The following STOX2 variants were observed in gnomAD, a reference collection of about 807,000 sequenced individuals.
The protein encoded by STOX2 is storkhead box 2.
STOX2 carries 28 observed loss-of-function variants against 60.9 expected under a neutral mutation model. The ratio of observed to expected loss-of-function variants is 0.46; its 90% confidence interval spans 0.34 to 0.63. The LOEUF is 0.63. STOX2 is among the 30% of genes least tolerant of loss of function. STOX2 has a pLI of 0.01. For missense variants in STOX2, 1,024 were observed against 1,187.7 expected (o/e 0.86, Z 2.03); for synonymous variants, 472 against 463.9 (o/e 1.02, Z -0.22).
upstream of STOX2, among the ~76,000 whole-genome samples, chr4:183,905,109 T>TA (rs1314527815): frequency 1.3e-5 from 2 of 152,162 alleles, no homozygotes; most frequent in African/African-American, 4.8e-5. Flanking sequence ...ATCGAGGAGA[T>TA]AACCGTTTTT....
chr4:183,894,035 C>A (rs3932843), intron 1 of STOX2, among the ~76,000 whole-genome samples: 1 of 152,106 alleles, frequency 6.6e-6, no homozygotes, highest in Non-Finnish European at 1.5e-5. Flanking sequence ...ACCTGTATTC[C>A]CAGCTACTTA....
intron 1 of STOX2, among the ~76,000 whole-genome samples, chr4:183,907,815 C>T (rs1390597132): frequency 6.6e-6 from 1 of 152,232 alleles, no homozygotes; most frequent in Non-Finnish European, 1.5e-5. Context: ...CCGTTGCCTT[C>T]TCCTTACTTC....
rs2111199378 is a variant in STOX2 at position 183,989,047 on chromosome 4, A to G, written c.167-12278A>G. Reference sequence around the variant, plus strand: ...GCTGCTCACGGGGACCGAGAAGTCCACAGCAGCAGGATTTGCCAATAGGAA... The same window carrying G: ...GCTGCTCACGGGGACCGAGAAGTCCGCAGCAGCAGGATTTGCCAATAGGAA... On this transcript the variant is annotated intron_variant, in intron 1 of 3. Transcript: ENST00000308497. Among the ~76,000 whole-genome samples, 5 of 152,322 alleles carry G rather than the reference A, an allele frequency of 3.3e-5. 1 individual carries two copies. The Middle Eastern group carries it at 0.014, about 414-fold the overall frequency.
At chr4:183,997,136 C>T (rs1380545663) in intron 1 of STOX2, among the ~76,000 whole-genome samples, 3 of 152,134 alleles carry the variant, frequency 2.0e-5, no homozygotes, top group African/African-American at 7.2e-5. Flanking sequence ...TGCACACATG[C>T]AGGGAGAGAA....
chr4:183,945,278 G>A (rs77191282), intron 1 of STOX2, among the ~76,000 whole-genome samples: 11,742 of 152,128 alleles, frequency 0.077, 1,563 homozygotes, highest in African/African-American at 0.27. Flanking sequence ...TGCAGAATTC[G>A]GGGGTTGGAA....
chr4:183,961,265 A>G (rs1365235667), intron 1 of STOX2, among the ~76,000 whole-genome samples: 4 of 152,190 alleles, frequency 2.6e-5, no homozygotes, highest in African/African-American at 7.2e-5. Context: ...TTGCCACCCC[A>G]ATGTATTTAC....
chr4:183,804,444 G>A (rs1024622833), intron 1 of STOX2, among the ~76,000 whole-genome samples: 6 of 152,206 alleles, frequency 3.9e-5, no homozygotes, highest in African/African-American at 1.4e-4. Flanking sequence ...GGCTGGGCTT[G>A]TTGAGCCAGG....
chr4:183,870,561 A>C (rs1477441478), intron 1 of STOX2, among the ~76,000 whole-genome samples: 2 of 152,236 alleles, frequency 1.3e-5, no homozygotes, highest in Non-Finnish European at 2.9e-5. Context: ...ATGGTGGTTT[A>C]TAAATTTTAA....
intron 1 of STOX2, among the ~76,000 whole-genome samples, chr4:183,999,724 G>A (rs945211580): frequency 1.3e-5 from 2 of 152,094 alleles, no homozygotes; most frequent in Non-Finnish European, 2.9e-5. Flanking sequence ...TGATTTCATC[G>A]AGCAAACCAT....
intron 1 of STOX2, among the ~76,000 whole-genome samples, chr4:183,862,221 G>C (rs576085744): frequency 1.3e-5 from 2 of 152,288 alleles, no homozygotes; most frequent in Non-Finnish European, 2.9e-5. Context: ...TGTCACCCAG[G>C]CTGGAGTGCA....
At chr4:183,979,564 T>A (rs533883283) in intron 1 of STOX2, among the ~76,000 whole-genome samples, 1 of 152,232 alleles carries the variant, frequency 6.6e-6, no homozygotes, top group Non-Finnish European at 1.5e-5. Context: ...ACTAGCTACA[T>A]GTAGCTATTG....
intron 1 of STOX2, among the ~76,000 whole-genome samples, chr4:183,860,438 A>G (rs2111152974): frequency 1.0e-5 from 1 of 95,288 alleles, no homozygotes; most frequent in East Asian, 3.6e-4. Flanking sequence ...CAAAAAACAA[A>G]AAACAAAAAA....
chr4:183,934,298 C>T (rs889576495), intron 1 of STOX2, among the ~76,000 whole-genome samples: 2 of 151,616 alleles, frequency 1.3e-5, no homozygotes, highest in Non-Finnish European at 2.9e-5. Flanking sequence ...GTGAGACTCC[C>T]TCTCAAAAAA....
chr4:183,940,192 C>G (rs940709433), intron 1 of STOX2, among the ~76,000 whole-genome samples: 4 of 152,172 alleles, frequency 2.6e-5, no homozygotes, highest in Non-Finnish European at 5.9e-5. Context: ...CGTGAGCCAC[C>G]GAGCCCGGCC....
At chr4:183,867,036 C>T (rs72994709) in intron 1 of STOX2, among the ~76,000 whole-genome samples, 3,221 of 151,676 alleles carry the variant, frequency 0.021, 112 homozygotes, top group African/African-American at 0.075. Flanking sequence ...TTTTTTCCCC[C>T]TATGAGTGGG....
chr4:183,936,021 A>G (rs1307305112), intron 1 of STOX2, among the ~76,000 whole-genome samples: 1 of 152,216 alleles, frequency 6.6e-6, no homozygotes, highest in East Asian at 1.9e-4. Context: ...TTCGTGGGAG[A>G]AAAAGCGTTA....
At chr4:183,798,337 G>A (rs936472671) in intron 1 of STOX2, among the ~76,000 whole-genome samples, 1 of 150,852 alleles carries the variant, frequency 6.6e-6, no homozygotes, top group Non-Finnish European at 1.5e-5. Context: ...GGCCGGCCAG[G>A]TGGGCGCCGC....
At chr4:183,896,633 C>T (rs1310460660) in intron 1 of STOX2, among the ~76,000 whole-genome samples, 1 of 152,194 alleles carries the variant, frequency 6.6e-6, no homozygotes, top group African/African-American at 2.4e-5. Context: ...TGAGCCATCA[C>T]CCAGTCCCGT....
At chr4:183,901,827 G>A (rs1270390048), upstream of STOX2, among the ~76,000 whole-genome samples, 1 of 151,886 alleles carries the variant, frequency 6.6e-6, no homozygotes, top group Non-Finnish European at 1.5e-5. Context: ...TGCATACTCT[G>A]GATATCAATC....
Sources: allele counts gnomAD v4.1 joint callset (sites outside exome capture counted in the v4.1 genomes callset), GRCh38; gene constraint gnomAD v4.1.1; transcripts MANE v1.5; gene names NCBI Gene and HGNC (gene_info 2026-07-23, HGNC 2026-07-21).